The following CRADD variants were observed in gnomAD, a reference collection of about 807,000 sequenced individuals.
CRADD encodes death domain-containing protein CRADD.
In CRADD, 9 loss-of-function variants were observed where a neutral mutation model predicts 15.5. That is an observed-to-expected ratio of 0.58 (90% CI 0.35 to 1.01). The LOEUF (loss-of-function observed/expected upper bound fraction) is 1.01. Ranked by LOEUF, CRADD falls within the 50% of genes least tolerant of loss-of-function variation. CRADD has a pLI of 0.02. For synonymous variants in CRADD, 118 were observed against 107.6 expected (o/e 1.10, Z -0.60); for missense variants, 227 against 250.3 (o/e 0.91, Z 0.63).
exon 3 of CRADD, chr12:93,894,172 A>G (rs73367306): frequency 0.014 from 9,953 of 693,336 alleles, 584 homozygotes; most frequent in African/African-American, 0.14. Flanking sequence ...TTTCCTCTAC[A>G]CCAGTGGTTC....
At chr12:93,706,527 C>T (rs1036938868) in intron 2 of CRADD, among the ~76,000 whole-genome samples, 12 of 151,942 alleles carry the variant, frequency 7.9e-5, no homozygotes, top group Non-Finnish European at 1.6e-4. Context: ...TGAAGGTAGT[C>T]GGGGAGAGGG....
intron 2 of CRADD, among the ~76,000 whole-genome samples, chr12:93,879,344 C>G (rs1349671047): frequency 6.6e-6 from 1 of 152,100 alleles, no homozygotes; most frequent in Non-Finnish European, 1.5e-5. Flanking sequence ...TGCATTTGCT[C>G]TCTCCTCAGA....
chr12:93,730,825 C>T (rs1222821357), intron 2 of CRADD, among the ~76,000 whole-genome samples: 2 of 151,800 alleles, frequency 1.3e-5, no homozygotes, highest in Non-Finnish European at 2.9e-5. Flanking sequence ...AAGCTATTCT[C>T]CCACCTCAGC....
intron 2 of CRADD, among the ~76,000 whole-genome samples, chr12:93,680,849 G>A (rs1219813800): frequency 2.0e-5 from 3 of 152,074 alleles, no homozygotes; most frequent in Non-Finnish European, 4.4e-5. Context: ...GGGTGATACA[G>A]ATCATGCTGT....
At chr12:93,702,260 A>T (rs2136838512) in intron 2 of CRADD, among the ~76,000 whole-genome samples, 1 of 152,234 alleles carries the variant, frequency 6.6e-6, no homozygotes, top group Non-Finnish European at 1.5e-5. Context: ...AAAAGGGACG[A>T]GTTGTTGGAT....
chr12:93,842,898 A>G (rs942516776), intron 2 of CRADD, among the ~76,000 whole-genome samples: 1 of 152,096 alleles, frequency 6.6e-6, no homozygotes, highest in Non-Finnish European at 1.5e-5. Flanking sequence ...GGTTGTCAGT[A>G]TATATTGCCC....
chr12:93,763,815 G>T (rs1422430356), intron 2 of CRADD, among the ~76,000 whole-genome samples: 2 of 152,094 alleles, frequency 1.3e-5, no homozygotes, highest in Non-Finnish European at 2.9e-5. Context: ...CCCATCTCAG[G>T]GATGACATGT....
chr12:93,761,025 C>A (rs929626723), intron 2 of CRADD, among the ~76,000 whole-genome samples: 2 of 151,932 alleles, frequency 1.3e-5, no homozygotes, highest in Non-Finnish European at 2.9e-5. Context: ...AGGAGTCTAG[C>A]GAACAGGGTG....
chr12:93,833,831 T>TC (rs1957940489), intron 2 of CRADD, among the ~76,000 whole-genome samples: 1 of 151,862 alleles, frequency 6.6e-6, no homozygotes, highest in Non-Finnish European at 1.5e-5. Flanking sequence ...TGTTTTTTTT[T>TC]CCAATTATGT....
chr12:93,874,477 G>C (rs1382839364), intron 2 of CRADD, among the ~76,000 whole-genome samples: 1 of 151,100 alleles, frequency 6.6e-6, no homozygotes, highest in African/African-American at 2.4e-5. Context: ...TACCAATTTT[G>C]GGTTTGGTTT....
rs58305551 is a variant in CRADD, at chr12:93,790,912, G to GACACACACACACACACACAC, written c.299-59049_299-59030dup. On this transcript the variant is annotated intron_variant, in intron 2 of 2. Transcript: ENST00000332896. Reference sequence around the variant, plus strand: ...CCAAGAAATAAAATGCCATATACATGACACACACACACACACACACACACA... The same window carrying GACACACACACACACACACAC: ...CCAAGAAATAAAATGCCATATACATGACACACACACACACACACACACACACACACACACACACACACACA... Among the ~76,000 whole-genome samples, 335 of 144,848 alleles carry GACACACACACACACACACAC rather than the reference G, an allele frequency of 2.3e-3. 4 individuals are homozygous for GACACACACACACACACACAC. The highest frequency in any genetic ancestry group is 7.0e-3 in the South Asian group (31 of 4,426).
At chr12:93,751,742 T>C (rs1956830980) in intron 2 of CRADD, among the ~76,000 whole-genome samples, 1 of 152,186 alleles carries the variant, frequency 6.6e-6, no homozygotes, top group South Asian at 2.1e-4. Context: ...TGTGTGCCTG[T>C]AGTCCCAGCT....
At chr12:93,865,315 G>A (rs1379224264) in intron 2 of CRADD, among the ~76,000 whole-genome samples, 2 of 152,200 alleles carry the variant, frequency 1.3e-5, no homozygotes, top group East Asian at 3.8e-4. Flanking sequence ...ATCCATGGCA[G>A]ACTTGTTCCA....
intron 2 of CRADD, among the ~76,000 whole-genome samples, chr12:93,762,066 C>G (rs1019354765): frequency 1.3e-5 from 2 of 152,156 alleles, no homozygotes; most frequent in Non-Finnish European, 2.9e-5. Flanking sequence ...GAAGGAAGAG[C>G]CCAATAAGCT....
rs1165429350 is a variant in CRADD, at chr12:93,726,094, G to GTTT, written c.298+47044_298+47046dup. ...GAACTGGTGAAGAGTAAATAGTTTA[G>GTTT]TTTTTTTTTTTTTTTTTTTTTTTTC... On this transcript the variant is annotated intron_variant, in intron 2 of 2. Transcript: ENST00000332896. 3.9e-4 allele frequency among the ~76,000 whole-genome samples: 37 copies of GTTT among 96,042 alleles called. 1 individual carries two copies. Among genetic ancestry groups the GTTT allele is most frequent in the South Asian group, 1.2e-3 (3 of 2,524 alleles). 63.0% of individuals were successfully genotyped at this position (96,042 alleles called of 152,430 possible).
At chr12:93,797,348 A>G (rs1397733573) in intron 2 of CRADD, among the ~76,000 whole-genome samples, 1 of 152,184 alleles carries the variant, frequency 6.6e-6, no homozygotes, top group African/African-American at 2.4e-5. Flanking sequence ...TGTGAAGTAC[A>G]GCATGTAGTG....
intron 2 of CRADD, among the ~76,000 whole-genome samples, chr12:93,875,820 T>C (rs977623748): frequency 1.3e-5 from 2 of 152,186 alleles, no homozygotes; most frequent in Non-Finnish European, 2.9e-5. Context: ...CATTTAGTCT[T>C]TCTACTCAGG....
chr12:93,744,159 G>T (rs986559944), intron 2 of CRADD, among the ~76,000 whole-genome samples: 3 of 152,166 alleles, frequency 2.0e-5, no homozygotes, highest in Non-Finnish European at 4.4e-5. Context: ...CCTGGCTTCT[G>T]TGCCCAGGGC....
chr12:93,763,940 CCGAT>C (rs1956998090), intron 2 of CRADD, among the ~76,000 whole-genome samples: 1 of 152,062 alleles, frequency 6.6e-6, no homozygotes, highest in South Asian at 2.1e-4. Context: ...AGAAATAAAC[CCGAT>C]TTCTTTTGGT....
Sources: allele counts gnomAD v4.1 joint callset (sites outside exome capture counted in the v4.1 genomes callset), GRCh38; gene constraint gnomAD v4.1.1; transcripts MANE v1.5; gene names NCBI Gene and HGNC (gene_info 2026-07-23, HGNC 2026-07-21).